The following GABBR2 variants were observed in gnomAD, a reference collection of about 807,000 sequenced individuals.
GABBR2 encodes the protein G-protein coupled receptor 51.
A neutral mutation model predicts 105.6 loss-of-function variants in GABBR2; 23 were observed. The observed-to-expected ratio is 0.22, with a 90% confidence interval of 0.16 to 0.31. The LOEUF is 0.31. Ranked by LOEUF, GABBR2 falls within the 10% of genes least tolerant of loss-of-function variation. The pLI is 1.00. For missense variants in GABBR2, 734 were observed against 1,245.5 expected (o/e 0.59, Z 6.18); for synonymous variants, 478 against 499.7 (o/e 0.96, Z 0.58).
At chr9:98,669,404 G>A (rs769592661) in intron 1 of GABBR2, among the ~76,000 whole-genome samples, 2 of 152,024 alleles carry the variant, frequency 1.3e-5, no homozygotes, top group African/African-American at 2.4e-5. Flanking sequence ...TAATTAGGTT[G>A]TTCTGACATT....
chr9:98,683,466 T>C (rs1830575847), intron 1 of GABBR2, among the ~76,000 whole-genome samples: 1 of 152,194 alleles, frequency 6.6e-6, no homozygotes, highest in Non-Finnish European at 1.5e-5. Context: ...TAACAGCTCC[T>C]ACCTACGCTA....
intron 13 of GABBR2, among the ~76,000 whole-genome samples, chr9:98,341,845 A>G (rs1831219482): frequency 6.6e-6 from 1 of 152,246 alleles, no homozygotes. Context: ...ATTAAATTAA[A>G]TTGCAACTCG....
intron 1 of GABBR2, among the ~76,000 whole-genome samples, chr9:98,667,245 T>G (rs913213001): frequency 2.4e-4 from 37 of 152,282 alleles, no homozygotes; most frequent in African/African-American, 8.9e-4. Flanking sequence ...TAACTTCCTC[T>G]TGTAAGCTTC....
At chr9:98,496,229 T>C (rs1329814032) in intron 4 of GABBR2, among the ~76,000 whole-genome samples, 184 bp downstream of exon 4, 2 of 152,174 alleles carry the variant, frequency 1.3e-5, no homozygotes, top group Admixed American at 6.5e-5. Context: ...CTGGCCAGTG[T>C]TGGAGAGCAA....
At chr9:98,421,872 G>A (rs1832787850) in intron 7 of GABBR2, among the ~76,000 whole-genome samples, 1 of 152,174 alleles carries the variant, frequency 6.6e-6, no homozygotes, top group Non-Finnish European at 1.5e-5. Context: ...GAAAGGTAAA[G>A]TTAACAGGAG....
At chr9:98,584,770 T>G (rs1334205884) in intron 1 of GABBR2, among the ~76,000 whole-genome samples, 1 of 152,194 alleles carries the variant, frequency 6.6e-6, no homozygotes, top group African/African-American at 2.4e-5. Flanking sequence ...AATTTCAGAA[T>G]GGAAAGAGAA....
At chr9:98,626,083 C>T (rs572906109) in intron 1 of GABBR2, among the ~76,000 whole-genome samples, 8 of 152,284 alleles carry the variant, frequency 5.3e-5, no homozygotes, top group African/African-American at 1.9e-4. Context: ...TGGGACCCAC[C>T]TGGGTAGAGA....
intron 7 of GABBR2, among the ~76,000 whole-genome samples, chr9:98,428,830 G>T (rs1208511510): frequency 6.6e-6 from 1 of 152,316 alleles, no homozygotes; most frequent in East Asian, 1.9e-4. Context: ...GGCCTAGAAT[G>T]GACCTGGCCC....
At chr9:98,430,828 G>A (rs1825795647) in intron 7 of GABBR2, among the ~76,000 whole-genome samples, 1 of 152,012 alleles carries the variant, frequency 6.6e-6, no homozygotes, top group Non-Finnish European at 1.5e-5. Context: ...ATGGTCATCT[G>A]GGCGATTGTA....
chr9:98,402,945 C>G (rs1449077990), intron 8 of GABBR2, among the ~76,000 whole-genome samples: 1 of 152,072 alleles, frequency 6.6e-6, no homozygotes, highest in Non-Finnish European at 1.5e-5. Flanking sequence ...TGGCTCATTT[C>G]AGTCCTAAAA....
At chr9:98,609,515 A>G (rs1412878666) in intron 1 of GABBR2, among the ~76,000 whole-genome samples, 3 of 152,186 alleles carry the variant, frequency 2.0e-5, no homozygotes, top group African/African-American at 7.2e-5. Context: ...ATTTTTCCAC[A>G]TAACAGAGCA....
chr9:98,491,124 T>C (rs1429737560), intron 4 of GABBR2, among the ~76,000 whole-genome samples: 2 of 152,134 alleles, frequency 1.3e-5, no homozygotes, highest in African/African-American at 4.8e-5. Context: ...TTCAGTGAGA[T>C]GTAATTTAAA....
intron 1 of GABBR2, among the ~76,000 whole-genome samples, chr9:98,704,205 C>T (rs1830866710): frequency 6.6e-6 from 1 of 152,156 alleles, no homozygotes; most frequent in African/African-American, 2.4e-5. Context: ...AGCCTCAATT[C>T]AACAGTCCTT....
In GABBR2 at chr9:98,457,599, C is replaced by A. The variant is rs192311616; in HGVS notation, c.1000-3382G>T. Among the ~76,000 whole-genome samples the A allele has an allele frequency of 2.2e-4, 34 of 152,282 alleles. No individual in the cohort carries two copies. The East Asian group carries it at 5.2e-3, about 23-fold the overall frequency. ...AGGATCAGGAGGAGGGCCAAGAACA[C>A]TGGAAACACGGCTCTTTACCAGATT... On this transcript the variant is annotated intron_variant, in intron 6 of 18. Coordinates refer to ENST00000259455, the MANE Select transcript of GABBR2 (RefSeq NM_005458.8).
chr9:98,355,153 G>T (rs1327219045), intron 13 of GABBR2, among the ~76,000 whole-genome samples: 2 of 152,034 alleles, frequency 1.3e-5, no homozygotes, highest in Admixed American at 6.6e-5. Context: ...AATAAAGTCT[G>T]CCCTCTTATC....
At chr9:98,442,266 G>A (rs1464110039) in intron 7 of GABBR2, among the ~76,000 whole-genome samples, 1 of 152,206 alleles carries the variant, frequency 6.6e-6, no homozygotes, top group Non-Finnish European at 1.5e-5. Context: ...CTTCAGCCTT[G>A]CCTCTTACTC....
At chr9:98,705,901 A>AC (rs1830885650) in intron 1 of GABBR2, among the ~76,000 whole-genome samples, 1 of 151,856 alleles carries the variant, frequency 6.6e-6, no homozygotes, top group Non-Finnish European at 1.5e-5. Flanking sequence ...ACATGGAGAA[A>AC]CCCCATCTCT....
chr9:98,328,649 A>T (rs751936290), intron 13 of GABBR2, among the ~76,000 whole-genome samples: 1 of 152,236 alleles, frequency 6.6e-6, no homozygotes, highest in Non-Finnish European at 1.5e-5. Context: ...GTAGCAGGGA[A>T]GTGAAATTAA....
chr9:98,600,985 T>C (rs979901201), intron 1 of GABBR2, among the ~76,000 whole-genome samples: 5 of 152,178 alleles, frequency 3.3e-5, no homozygotes, highest in Non-Finnish European at 7.3e-5. Context: ...GTGAGCACCC[T>C]ATTACTGTGC....
Sources: gnomAD v4.1 joint callset for allele counts (sites outside exome capture counted in the v4.1 genomes callset) on GRCh38, gnomAD v4.1.1 for gene constraint, MANE v1.5 for transcripts, NCBI Gene and HGNC (gene_info 2026-07-23, HGNC 2026-07-21) for gene names.